The following GTF2F2 variants were observed in gnomAD, a reference collection of about 807,000 sequenced individuals.
GTF2F2 encodes the protein ATP-dependent helicase GTF2F2.
A neutral mutation model predicts 42.2 loss-of-function variants in GTF2F2; 23 were observed. That is an observed-to-expected ratio of 0.55 (90% confidence interval 0.39 to 0.77). GTF2F2 has a LOEUF of 0.77. GTF2F2 is among the 30% of genes least tolerant of loss of function. The probability of loss-of-function intolerance (pLI) is 0.00; values close to 1 mark genes in which losing one functional copy is unlikely to be tolerated. For missense variants in GTF2F2, 261 were observed against 287.2 expected (o/e 0.91, Z 0.66); for synonymous variants, 105 against 100.8 (o/e 1.04, Z -0.25).
chr13:45,203,157 A>G (rs1040087190), intron 4 of GTF2F2, among the ~76,000 whole-genome samples: 7 of 151,550 alleles, frequency 4.6e-5, no homozygotes, highest in African/African-American at 1.7e-4. Flanking sequence ...GCTCATTGCA[A>G]CCTCTACCTA....
At position 45,207,615 on chromosome 13, in the gene GTF2F2, T is replaced by G. The variant is rs909099284; in HGVS notation, c.386+110T>G. The G allele has an allele frequency of 4.5e-6, 3 of 673,312 alleles. No individual in the cohort carries two copies. In the African/African-American group the frequency reaches 5.4e-5, roughly 12 times the overall value. The allele number at this position is 673,312 out of a possible 1,614,324, so 41.7% of individuals were successfully genotyped here. ...TTAAAACTGTGGTTATTGTTGAGTG[T>G]TTGCTTCAAAAGCTGTTTGGTTTTA... On this transcript the variant is annotated intron_variant, in intron 5 of 7. Transcript: ENST00000340473.
chr13:45,176,223 G>T (rs545891308), intron 4 of GTF2F2, among the ~76,000 whole-genome samples: 1 of 152,184 alleles, frequency 6.6e-6, no homozygotes, highest in East Asian at 1.9e-4. Flanking sequence ...GGTTGATAAG[G>T]CCCAACTGTT....
chr13:45,169,194 C>T (rs1330338804), intron 4 of GTF2F2, among the ~76,000 whole-genome samples: 1 of 152,020 alleles, frequency 6.6e-6, no homozygotes, highest in African/African-American at 2.4e-5. Context: ...AACCCAGGTA[C>T]CTCAGAATGT....
At chr13:45,202,407 ACT>A (rs1873235975) in intron 4 of GTF2F2, among the ~76,000 whole-genome samples, 1 of 150,632 alleles carries the variant, frequency 6.6e-6, no homozygotes, top group Non-Finnish European at 1.5e-5. Flanking sequence ...AAAACAAAAA[ACT>A]CTTCTTGATC....
intron 5 of GTF2F2, among the ~76,000 whole-genome samples, chr13:45,242,219 C>T (rs1013467200): frequency 6.9e-6 from 1 of 145,488 alleles, no homozygotes; most frequent in Non-Finnish European, 1.5e-5. Flanking sequence ...TCCTGGCCTT[C>T]TGTCTGCCTT....
chr13:45,205,097 C>T (rs1873359146), intron 4 of GTF2F2, among the ~76,000 whole-genome samples: 1 of 152,146 alleles, frequency 6.6e-6, no homozygotes, highest in African/African-American at 2.4e-5. Flanking sequence ...GGAGCATTCA[C>T]TTAGTAAAAG....
intron 4 of GTF2F2, among the ~76,000 whole-genome samples, chr13:45,184,392 C>G: frequency 6.7e-6 from 1 of 148,972 alleles, no homozygotes; most frequent in South Asian, 2.1e-4. Flanking sequence ...TTATTCCCCC[C>G]CGCCCTTTTT....
At chr13:45,161,352 A>G (rs1871026138) in intron 4 of GTF2F2, among the ~76,000 whole-genome samples, 1 of 152,196 alleles carries the variant, frequency 6.6e-6, no homozygotes, top group Non-Finnish European at 1.5e-5. Context: ...TATAGACCAT[A>G]CTTTGAAGAA....
intron 3 of GTF2F2, among the ~76,000 whole-genome samples, chr13:45,150,481 C>A (rs1870431465): frequency 6.6e-6 from 1 of 152,016 alleles, no homozygotes; most frequent in African/African-American, 2.4e-5. Context: ...AAATAGTTCA[C>A]TTCATCCCCC....
chr13:45,235,346 T>G (rs1230268713), intron 5 of GTF2F2, among the ~76,000 whole-genome samples: 1 of 152,114 alleles, frequency 6.6e-6, no homozygotes, highest in Admixed American at 6.6e-5. Context: ...TACATTTCAA[T>G]TCTTTATGAA....
intron 5 of GTF2F2, among the ~76,000 whole-genome samples, chr13:45,242,040 C>G (rs1334929391): frequency 6.6e-6 from 1 of 152,154 alleles, no homozygotes; most frequent in Non-Finnish European, 1.5e-5. Flanking sequence ...CTTAGATTCA[C>G]TTCTAATAGA....
At chr13:45,259,217 A>G (rs548918282) in intron 6 of GTF2F2, among the ~76,000 whole-genome samples, 63 of 152,276 alleles carry the variant, frequency 4.1e-4, no homozygotes, top group African/African-American at 1.4e-3. Flanking sequence ...ACCTGAGGTC[A>G]GAAGTTCGAG....
At chr13:45,144,821 A>G (rs1243392461) in intron 2 of GTF2F2, among the ~76,000 whole-genome samples, 3 of 152,206 alleles carry the variant, frequency 2.0e-5, no homozygotes, top group Non-Finnish European at 4.4e-5. Flanking sequence ...TCTGTTATAA[A>G]ATTGACTGAG....
rs373880281 is a variant in GTF2F2, at chr13:45,283,511, G to C, written c.700G>C (p.Glu234Gln). The C allele has an allele frequency of 6.2e-7, 1 of 1,612,706 alleles. No individual in the cohort carries two copies. The highest frequency in any genetic ancestry group is 8.5e-7 in the Non-Finnish European group (1 of 1,179,112). ...AAAAGGGATCCACAAAAACACATGG[G>C]AGCTGAAGCCAGAGTACAGACACTA... ...NVKGIHKNTW[E>Q]LKPEYRHYQG... The change falls in exon 8 of 8, where the codon GAG (glutamate) becomes CAG (glutamine). Residue 234 changes from glutamate (E) to glutamine (Q), a missense_variant. Glu to Gln is a conservative substitution (Grantham distance 29, BLOSUM62 2). Transcript: ENST00000340473.
intron 4 of GTF2F2, among the ~76,000 whole-genome samples, chr13:45,185,353 T>C (rs1184825552): frequency 6.6e-6 from 1 of 152,164 alleles, no homozygotes. Context: ...CTTTTCAAGG[T>C]AGCTGAATTT....
At chr13:45,190,532 T>G (rs1872576012) in intron 4 of GTF2F2, among the ~76,000 whole-genome samples, 1 of 152,158 alleles carries the variant, frequency 6.6e-6, no homozygotes. Context: ...TATGTAATCT[T>G]GGGCAGGTTA....
At chr13:45,156,276 A>G (rs940376652) in intron 4 of GTF2F2, among the ~76,000 whole-genome samples, 7 of 152,252 alleles carry the variant, frequency 4.6e-5, no homozygotes, top group Non-Finnish European at 1.0e-4. Flanking sequence ...ACAAAGAGGA[A>G]AAAAGCATGT....
chr13:45,153,916 G>A (rs1345072766), intron 4 of GTF2F2, among the ~76,000 whole-genome samples: 1 of 137,466 alleles, frequency 7.3e-6, no homozygotes, highest in Non-Finnish European at 1.5e-5. Context: ...GGTGGAGGTA[G>A]AAGTGAGCCA....
At chr13:45,276,537 A>G (rs1470139389) in intron 7 of GTF2F2, among the ~76,000 whole-genome samples, 2 of 151,930 alleles carry the variant, frequency 1.3e-5, no homozygotes, top group East Asian at 3.9e-4. Context: ...CCCGAGTTCA[A>G]GTGATTCTCC....
Sources: gnomAD v4.1 joint callset for allele counts (sites outside exome capture counted in the v4.1 genomes callset) on GRCh38, gnomAD v4.1.1 for gene constraint, MANE v1.5 for transcripts, NCBI Gene and HGNC (gene_info 2026-07-23, HGNC 2026-07-21) for gene names.